Variants in AP1G2 observed in about 807,000 individuals in gnomAD.
The protein encoded by AP1G2 is adaptor related protein complex 1 subunit gamma 2.
Under a neutral mutation model 95.8 loss-of-function variants are expected in AP1G2, and 85 were observed. That is an observed-to-expected ratio of 0.89 (90% confidence interval 0.74 to 1.06). AP1G2 has a LOEUF of 1.06. Among genes scored for constraint, AP1G2 ranks in the 50% least tolerant of loss-of-function variants. The probability of loss-of-function intolerance (pLI) is 0.00; values close to 1 mark genes in which losing one functional copy is unlikely to be tolerated. For missense variants in AP1G2, 967 were observed against 1,005.8 expected (o/e 0.96, Z 0.52); for synonymous variants, 378 against 400.0 (o/e 0.94, Z 0.66).
Position 23,563,602 on chromosome 14 carries a change from G to A in AP1G2, c.1269C>T (p.Ile423=). 1 of 1,614,242 alleles carries A rather than the reference G, an allele frequency of 6.2e-7. No homozygotes were observed. The highest frequency in any genetic ancestry group is 2.2e-5 in the East Asian group (1 of 44,884). ...GCCTCACCGTTGTCAGCACATGCAG[G>A]ATGGTGTCTATGTGCCAGCGTTTGG... is the stretch of plus-strand genomic sequence containing the variant. ...APTKRWHIDT[I]LHVLTTAGTH... Residue 423 remains isoleucine (I), a synonymous_variant, in exon 13 of 22, where the codon ATC becomes ATT. Transcript: ENST00000397120.
chr14:23,567,192 G>A lies in AP1G2; in HGVS notation c.123C>T (p.Asp41=). 1 of 1,612,896 alleles carries A rather than the reference G, an allele frequency of 6.2e-7. No homozygotes were observed. Among genetic ancestry groups the A allele is most frequent in the Non-Finnish European group, 8.5e-7 (1 of 1,179,314 alleles). The change falls in exon 2 of 22, where the codon GAC becomes GAT. Residue 41 remains aspartate, a synonymous_variant. Coordinates refer to ENST00000397120, the MANE Select transcript of AP1G2 (RefSeq NM_003917.5). This position sits in a 1 kb window ranked among gnomAD's most constrained non-coding sequence, Gnocchi z 5.3. ...ECAHIRASFR[D]GDPVHRHRQL... ...GCCGGTGCCTGTGCACTGGGTCCCC[G>A]TCGCGGAAGGAGGCCCGGATGTGGG...
intron 11 of AP1G2, 49 bp from the exon 12 acceptor site, chr14:23,563,905 C>T (rs1471260200): frequency 6.2e-7 from 1 of 1,604,710 alleles, no homozygotes; most frequent in Admixed American, 1.7e-5. Context: ...TCATCCTGGT[C>T]CATGCCTCAG....
chr14:23,561,558 TCTTTGCTTTC>T lies in AP1G2; in HGVS notation c.1801_1810del (p.Glu601LysfsTer24), dbSNP rs1884699488. 2 of 1,614,052 alleles carry T rather than the reference TCTTTGCTTTC, an allele frequency of 1.2e-6. No homozygotes were observed. Among genetic ancestry groups the T allele is most frequent in the Admixed American group, 1.7e-5 (1 of 60,002 alleles). On this transcript the variant is annotated frameshift_variant, in exon 18 of 22. Coordinates refer to ENST00000397120, the MANE Select transcript of AP1G2 (RefSeq NM_003917.5). LOFTEE classifies it high-confidence loss of function. ...GGCTGCTTCTGAAAGCTGGGCTGCT[TCTTTGCTTTC>T]CTTTGCTTCCTCATCAGCCTGAGGG...
In AP1G2 at chr14:23,567,125, C is replaced by T. The variant is rs757612665; in HGVS notation, c.190G>A (p.Ala64Thr). ...CTGGCCAGTACCTGTCCAAAGTGGG[C>T]GGGGTAGCCCAACATGTGGACGTAG... Reference protein sequence around the residue: ...LLYVHMLGYPAHFGQMECLKL... With the variant: ...LLYVHMLGYPTHFGQMECLKL... Residue 64 changes from alanine to threonine, a missense_variant, in exon 2 of 22, where the codon GCC becomes ACC. Coordinates refer to ENST00000397120, the MANE Select transcript of AP1G2 (RefSeq NM_003917.5). The surrounding 1 kb of genome is among the most constrained non-coding windows in gnomAD (Gnocchi z 5.3). 7.5e-6 allele frequency: 12 copies of T among 1,609,614 alleles called. No homozygotes were observed. The East Asian group carries it at 2.7e-4, about 36-fold the overall frequency.
chr14:23,566,253 C>G (rs768168129), intron 4 of AP1G2, 25 bp downstream of exon 4: 4 of 1,612,394 alleles, frequency 2.5e-6, no homozygotes, highest in Non-Finnish European at 3.4e-6. Context: ...TGCAGGAGCA[C>G]GTGCCAGGAG....
At position 23,567,706 on chromosome 14, in the gene AP1G2, G is replaced by A. The variant is rs919903118; in HGVS notation, c.-6+33C>T. 7.0e-5 allele frequency: 73 copies of A among 1,041,334 alleles called. No individual in the cohort carries two copies. The highest frequency in any genetic ancestry group is 8.1e-5 in the Non-Finnish European group (70 of 864,750). The allele number at this position is 1,041,334 out of a possible 1,614,324, so 64.5% of individuals were successfully genotyped here. ...CATCTCAGGCAGCGGCAGCGGCAGCGACAGCCTGCCTACCCCAGGACTCCA... is the reference window on the plus strand; with the variant it reads ...CATCTCAGGCAGCGGCAGCGGCAGCAACAGCCTGCCTACCCCAGGACTCCA... On this transcript the variant is annotated intron_variant, in intron 1 of 21. Coordinates refer to ENST00000397120, the MANE Select transcript of AP1G2 (RefSeq NM_003917.5). This position sits in a 1 kb window ranked among gnomAD's most constrained non-coding sequence, Gnocchi z 5.3.
chr14:23,567,495 C>G lies in AP1G2; in HGVS notation c.-5-176G>C, dbSNP rs1888647342. The G allele has an allele frequency of 7.2e-7, 1 of 1,386,900 alleles. No individual in the cohort carries two copies. Among genetic ancestry groups the G allele is most frequent in the Non-Finnish European group, 9.3e-7 (1 of 1,078,504 alleles). The allele number at this position is 1,386,900 out of a possible 1,614,324, so 85.9% of individuals were successfully genotyped here. ...CAAATTCCGCGCCCACCCCACCGCC[C>G]GAGAAGCCCACTACGCATGCGTCCG... On this transcript the variant is annotated intron_variant, in intron 1 of 21. Coordinates refer to ENST00000397120, the MANE Select transcript of AP1G2 (RefSeq NM_003917.5). This position sits in a 1 kb window ranked among gnomAD's most constrained non-coding sequence, Gnocchi z 5.3.
In AP1G2 at chr14:23,566,333, A is replaced by G; in HGVS notation, c.416T>C (p.Leu139Pro). The G allele has an allele frequency of 5.6e-6, 9 of 1,614,000 alleles. No individual in the cohort carries two copies. Among genetic ancestry groups the G allele is most frequent in the Non-Finnish European group, 7.6e-6 (9 of 1,180,020 alleles). Residue 139 changes from leucine to proline, a missense_variant, in exon 4 of 22, where the codon CTG becomes CCG. Transcript: ENST00000397120. Reference sequence around the variant, plus strand: ...GAGCAGTTTCTCCACCTCTGGGGCCAGGTCTCGGCACATCTCAGCAGAGCC... The same window carrying G: ...GAGCAGTTTCTCCACCTCTGGGGCCGGGTCTCGGCACATCTCAGCAGAGCC... ...TMGSAEMCRD[L>P]APEVEKLLLQ...
intron 10 of AP1G2, 57 bp from the exon 11 acceptor site, chr14:23,564,216 C>T (rs1595335030): frequency 6.2e-7 from 1 of 1,611,982 alleles, no homozygotes; most frequent in East Asian, 2.2e-5. Flanking sequence ...CACTCCCCGT[C>T]CTGTCCTGGG....
At chr14:23,565,754 C>A in intron 6 of AP1G2, 53 bp from the exon 7 acceptor site, 1 of 1,608,522 alleles carries the variant, frequency 6.2e-7, no homozygotes, top group Non-Finnish European at 8.5e-7. Flanking sequence ...CCAGCTAAAG[C>A]CCCATTCCTT....
In AP1G2 at chr14:23,561,567, T is replaced by A; in HGVS notation, c.1802A>T (p.Glu601Val). The change falls in exon 18 of 22, where the codon GAA (glutamate) becomes GTA (valine). Residue 601 changes from glutamate (E) to valine (V), a missense_variant. By Grantham distance (121) the Glu-to-Val change is moderately radical. Transcript: ENST00000397120. ...DGPQADEEAK[E>V]SKEAAQLSEA... ...TGAAAGCTGGGCTGCTTCTTTGCTT[T>A]CCTTTGCTTCCTCATCAGCCTGAGG... 6.2e-7 allele frequency: 1 copy of A among 1,614,164 alleles called. No homozygotes were observed. The highest frequency in any genetic ancestry group is 8.5e-7 in the Non-Finnish European group (1 of 1,180,026).
chr14:23,565,867 C>A lies in AP1G2; in HGVS notation c.594G>T (p.Leu198=). The part of the protein sequence containing the change: ...HHGILLGTIT[L]ITELCERSPA... ...GGCTTCGTTCGCAGAGCTCCGTGAT[C>A]AGCGTGATGGTGCCCAGCAGGATGC... Residue 198 remains leucine, a synonymous_variant, in exon 6 of 22, where the codon CTG becomes CTT. Transcript: ENST00000397120. The A allele has an allele frequency of 6.3e-7, 1 of 1,579,648 alleles. No homozygotes were observed. The highest frequency in any genetic ancestry group is 8.6e-7 in the Non-Finnish European group (1 of 1,163,876).
chr14:23,561,888 C>T lies in AP1G2; in HGVS notation c.1733+74G>A. 3.3e-6 allele frequency: 5 copies of T among 1,530,870 alleles called. No homozygotes were observed. The South Asian group carries it at 6.1e-5, about 19-fold the overall frequency. The allele number at this position is 1,530,870 out of a possible 1,614,324, so 94.8% of individuals were successfully genotyped here. On this transcript the variant is annotated intron_variant, in intron 17 of 21. Coordinates refer to ENST00000397120, the MANE Select transcript of AP1G2 (RefSeq NM_003917.5). ...GAAGAACACAGGTGAGGATGAGGCC[C>T]TTGTACCTAGAAAAGGGCATTTGGG...
intron 7 of AP1G2, 68 bp downstream of exon 7, chr14:23,565,538 C>T (rs970551197): frequency 1.5e-6 from 2 of 1,373,046 alleles, no homozygotes; most frequent in Non-Finnish European, 2.1e-6. Context: ...TGGGAGGAAA[C>T]CACTGGTCAT....
Position 23,560,333 on chromosome 14 carries a change from C to T in AP1G2, c.2079G>A (p.Leu693=), listed in dbSNP as rs1327778897. Residue 693 remains leucine (L), a synonymous_variant, in exon 20 of 22, where the codon TTG becomes TTA. Transcript: ENST00000397120. ...TGGTGGCAGTGATGGTGATTAACAG[C>T]AAAGCAGGGTTTTCAGGGGGTCGAA... ...SFIRPPENPA[L]LLITITATNF... is the part of the protein sequence containing the mutation. 1 of 1,614,086 alleles carries T rather than the reference C, an allele frequency of 6.2e-7. No homozygotes were observed. The highest frequency in any genetic ancestry group is 1.7e-5 in the Admixed American group (1 of 60,010).
chr14:23,562,038 C>T lies in AP1G2; in HGVS notation c.1657G>A (p.Gly553Arg), dbSNP rs748756065. 9 of 1,613,576 alleles carry T rather than the reference C, an allele frequency of 5.6e-6. No homozygotes were observed. The highest frequency in any genetic ancestry group is 1.3e-5 in the African/African-American group (1 of 74,894). ...TGCAGCTCCACGTCCAAGCAGCTCC[C>T]GTAGATGGACACCACCTGGCGGATG... ...NRIRQVVSIY[G>R]SCLDVELQQR... Residue 553 changes from glycine (G) to arginine (R), a missense_variant, in exon 17 of 22, where the codon GGG (glycine) becomes AGG (arginine). Coordinates refer to ENST00000397120, the MANE Select transcript of AP1G2 (RefSeq NM_003917.5).
In AP1G2 at chr14:23,560,399, T is replaced by C; in HGVS notation, c.2013A>G (p.Lys671=). Residue 671 remains lysine, a synonymous_variant, in exon 20 of 22, where the codon AAA becomes AAG. Coordinates refer to ENST00000397120, the MANE Select transcript of AP1G2 (RefSeq NM_003917.5). The part of the protein sequence containing the change: ...PPPPAPIPDL[K]VFEREGVQLN... ...GCTGTACTCCCTCACGCTCAAACACTTTGAGATCTGGGATGGGAGCTGGAG... is the reference window on the plus strand; with the variant it reads ...GCTGTACTCCCTCACGCTCAAACACCTTGAGATCTGGGATGGGAGCTGGAG... The C allele has an allele frequency of 1.2e-6, 2 of 1,613,600 alleles. No homozygotes were observed. Among genetic ancestry groups the C allele is most frequent in the Non-Finnish European group, 1.7e-6 (2 of 1,179,722 alleles).
chr14:23,567,160 G>A lies in AP1G2; in HGVS notation c.155C>T (p.Ala52Val). Residue 52 changes from alanine to valine, a missense_variant, in exon 2 of 22, where the codon GCC becomes GTC. By Grantham distance (64) the Ala-to-Val change is moderately conservative. Transcript: ENST00000397120. This position sits in a 1 kb window ranked among gnomAD's most constrained non-coding sequence, Gnocchi z 5.3. ...CAACATGTGGACGTAGAGCAGTTTG[G>A]CCAGCTGCCGGTGCCTGTGCACTGG... ...GDPVHRHRQL[A>V]KLLYVHMLGY... 1.2e-6 allele frequency: 2 copies of A among 1,613,002 alleles called. No homozygotes were observed. Among genetic ancestry groups the A allele is most frequent in the South Asian group, 2.2e-5 (2 of 91,014 alleles).
rs762794217 is a variant in AP1G2 at position 23,561,314 on chromosome 14, A to G, written c.1975T>C (p.Cys659Arg). 6.5e-7 allele frequency: 1 copy of G among 1,547,320 alleles called. No individual in the cohort carries two copies. The highest frequency in any genetic ancestry group is 2.0e-5 in the Admixed American group (1 of 49,264). ...GALVHLLDLP[C>R]VPPPPAPIPD... ...GGCTTACCTGGGGGTGGAGGTACAC[A>G]GGGAAGGTCAAGCAGGTGTACCAGG... Residue 659 changes from cysteine to arginine, a missense_variant, in exon 19 of 22, where the codon TGT becomes CGT. Transcript: ENST00000397120.
Sources: gnomAD v4.1 joint callset for allele counts on GRCh38, gnomAD v4.1.1 for gene constraint, Gnocchi (gnomAD v3.1) non-coding constraint, MANE v1.5 for transcripts, NCBI Gene and HGNC (gene_info 2026-07-23, HGNC 2026-07-21) for gene names.